The following ERICH1 variants were observed in gnomAD, a reference collection of about 807,000 sequenced individuals.
The protein encoded by ERICH1 is glutamate-rich protein 1.
ERICH1 carries 56 observed loss-of-function variants against 39.6 expected under a neutral mutation model. The observed-to-expected ratio is 1.41, with a 90% CI of 1.14 to 1.77. The LOEUF (loss-of-function observed/expected upper bound fraction) is 1.77. Ranked by LOEUF, ERICH1 falls within the 40% of genes most tolerant of loss-of-function variation. The pLI, the probability that ERICH1 is intolerant of heterozygous loss-of-function variation, is 0.00. For synonymous variants in ERICH1, 313 were observed against 223.6 expected (o/e 1.40, Z -3.57); for missense variants, 826 against 575.4 (o/e 1.44, Z -4.45).
chr8:708,750 G>A (rs569901386), intron 2 of ERICH1, among the ~76,000 whole-genome samples: 174 of 138,850 alleles, frequency 1.3e-3, no homozygotes, highest in South Asian at 0.01. Flanking sequence ...CTGGAGTGCA[G>A]TGGCACAGTC....
chr8:649,965 A>G (rs1799736234), intron 3 of ERICH1, among the ~76,000 whole-genome samples: 1 of 152,198 alleles, frequency 6.6e-6, no homozygotes, highest in African/African-American at 2.4e-5. Context: ...GGCAGCCGCG[A>G]CATCTGGCAC....
At chr8:635,586 G>A (rs1474150467) in intron 3 of ERICH1, among the ~76,000 whole-genome samples, 1 of 152,218 alleles carries the variant, frequency 6.6e-6, no homozygotes, top group East Asian at 1.9e-4. Flanking sequence ...GTGGCCAGCC[G>A]GCCCGGCCCC....
intron 2 of ERICH1, among the ~76,000 whole-genome samples, chr8:713,745 C>T (rs192824401): frequency 2.2e-4 from 33 of 152,222 alleles, no homozygotes; most frequent in African/African-American, 6.7e-4. Context: ...GATCCTGGTG[C>T]GCAGCTCCAT....
intron 2 of ERICH1, among the ~76,000 whole-genome samples, chr8:707,272 A>G (rs1346222715): frequency 6.9e-6 from 1 of 145,266 alleles, no homozygotes; most frequent in Non-Finnish European, 1.5e-5. Flanking sequence ...CAATGATGCG[A>G]TCTTGGCTCA....
chr8:633,472 GC>G (rs1322918919), intron 3 of ERICH1, among the ~76,000 whole-genome samples: 7 of 152,144 alleles, frequency 4.6e-5, no homozygotes, highest in Non-Finnish European at 8.8e-5. Flanking sequence ...GAGTTTTAAA[GC>G]CCTCAAAACA....
intron 2 of ERICH1, among the ~76,000 whole-genome samples, chr8:693,254 A>G (rs867429883): frequency 2.0e-5 from 3 of 152,204 alleles, no homozygotes; most frequent in African/African-American, 7.2e-5. Context: ...ATACACAAGC[A>G]CACACAGACA....
intron 3 of ERICH1, chr8:616,126 T>A (rs1215639273): frequency 1.2e-5 from 2 of 168,716 alleles, no homozygotes; most frequent in Admixed American, 5.8e-5. Context: ...CTTCTGGTAA[T>A]TTTTTCTCTG....
At chr8:655,089 G>A (rs1332204788) in intron 3 of ERICH1, among the ~76,000 whole-genome samples, 1 of 152,196 alleles carries the variant, frequency 6.6e-6, no homozygotes, top group African/African-American at 2.4e-5. Context: ...CCAACCCCGA[G>A]TGGTCTCTGC....
chr8:655,577 C>T (rs903090080), intron 3 of ERICH1, among the ~76,000 whole-genome samples: 15 of 152,186 alleles, frequency 9.9e-5, no homozygotes, highest in African/African-American at 2.4e-4. Flanking sequence ...CAGCAACCTT[C>T]ATCACGGGGG....
intron 2 of ERICH1, among the ~76,000 whole-genome samples, chr8:715,091 T>C (rs1017188606): frequency 6.6e-6 from 1 of 151,880 alleles, no homozygotes; most frequent in Non-Finnish European, 1.5e-5. Flanking sequence ...TTCCCGTGTC[T>C]CTCAGTGGGA....
At chr8:655,671 C>A (rs1800554356) in intron 3 of ERICH1, among the ~76,000 whole-genome samples, 1 of 75,124 alleles carries the variant, frequency 1.3e-5, no homozygotes, top group South Asian at 4.3e-4. Flanking sequence ...TTCCTTCCTT[C>A]CTTCCTTCCT....
chr8:710,783 G>A (rs950361767), intron 2 of ERICH1, among the ~76,000 whole-genome samples: 18 of 152,312 alleles, frequency 1.2e-4, no homozygotes, highest in Middle Eastern at 3.4e-3. Context: ...CTTACTGAAG[G>A]ACATCTTCGT....
chr8:619,640 C>T (rs969825089), intron 3 of ERICH1, among the ~76,000 whole-genome samples: 1 of 152,082 alleles, frequency 6.6e-6, no homozygotes, highest in African/African-American at 2.4e-5. Context: ...TTTCTTCTCT[C>T]AACTTCCTTA....
At chr8:670,990 C>T (rs1803192799) in intron 4 of ERICH1, among the ~76,000 whole-genome samples, 2 of 152,096 alleles carry the variant, frequency 1.3e-5, no homozygotes, top group Admixed American at 6.5e-5. Flanking sequence ...CCTGAGCCCA[C>T]TGGTCCCCAG....
chr8:627,664 C>T (rs1212285234), intron 3 of ERICH1, among the ~76,000 whole-genome samples: 3 of 152,220 alleles, frequency 2.0e-5, no homozygotes, highest in Admixed American at 6.5e-5. Flanking sequence ...CCTGCACCAC[C>T]TGAACCCGAA....
intron 2 of ERICH1, among the ~76,000 whole-genome samples, chr8:709,885 G>C (rs1202735793): frequency 6.6e-6 from 1 of 152,148 alleles, no homozygotes; most frequent in South Asian, 2.1e-4. Context: ...CCTACCACCA[G>C]ATATGTTACT....
At chr8:632,900 G>A (rs1037186361) in intron 3 of ERICH1, among the ~76,000 whole-genome samples, 1 of 152,242 alleles carries the variant, frequency 6.6e-6, no homozygotes, top group Non-Finnish European at 1.5e-5. Flanking sequence ...ACCCCACAGT[G>A]CACAAGACGT....
rs199975578 is a variant in ERICH1, at chr8:704,690, T to TA, written c.169+11170dup. 3.4e-3 allele frequency among the ~76,000 whole-genome samples: 521 copies of TA among 151,824 alleles called. 15 individuals are homozygous for TA. Among genetic ancestry groups the TA allele is most frequent in the Admixed American group, 0.029 (444 of 15,234 alleles). On this transcript the variant is annotated intron_variant, in intron 2 of 5. Transcript: ENST00000262109. ...GTGCATCCATGGTGGGGGAAGCTGCTAAAAAAAACCAAAATCCTTAGTTTC... is the reference window on the plus strand; with the variant it reads ...GTGCATCCATGGTGGGGGAAGCTGCTAAAAAAAAACCAAAATCCTTAGTTTC...
intron 3 of ERICH1, among the ~76,000 whole-genome samples, chr8:619,795 C>A (rs1797165776): frequency 6.6e-6 from 1 of 152,138 alleles, no homozygotes; most frequent in South Asian, 2.1e-4. Flanking sequence ...GAATTGAACT[C>A]ATTCCACAGG....
Sources: gnomAD v4.1 joint callset for allele counts (sites outside exome capture counted in the v4.1 genomes callset) on GRCh38, gnomAD v4.1.1 for gene constraint, MANE v1.5 for transcripts, NCBI Gene and HGNC (gene_info 2026-07-23, HGNC 2026-07-21) for gene names.